The following RB1 variants were observed in gnomAD, a reference collection of about 807,000 sequenced individuals.
RB1 encodes the protein retinoblastoma-associated protein.
A neutral mutation model predicts 135.4 loss-of-function variants in RB1; 18 were observed. The ratio of observed to expected loss-of-function variants is 0.13; its 90% CI spans 0.09 to 0.20. The LOEUF (loss-of-function observed/expected upper bound fraction) is 0.20. RB1 is among the 10% of genes least tolerant of loss of function. The pLI, the probability that RB1 is intolerant of heterozygous loss-of-function variation, is 1.00. For missense variants in RB1, 868 were observed against 1,110.0 expected (o/e 0.78, Z 3.10); for synonymous variants, 365 against 373.2 (o/e 0.98, Z 0.25).
chr13:48,309,833 GCTC>G (rs1322295905), intron 2 of RB1, among the ~76,000 whole-genome samples: 1 of 152,046 alleles, frequency 6.6e-6, no homozygotes, highest in African/African-American at 2.4e-5. Context: ...AACAGTAGAG[GCTC>G]TTTTGAGCTT....
intron 2 of RB1, among the ~76,000 whole-genome samples, chr13:48,341,632 T>C (rs1011979233): frequency 5.9e-5 from 9 of 152,032 alleles, no homozygotes; most frequent in Admixed American, 6.5e-5. Flanking sequence ...GTAATTTAAG[T>C]TGTAAAATAT....
intron 11 of RB1, among the ~76,000 whole-genome samples, chr13:48,369,651 GT>G (rs1282638740): frequency 1.3e-5 from 2 of 150,426 alleles, no homozygotes; most frequent in Non-Finnish European, 3.0e-5. Flanking sequence ...GGCCTTCTCT[GT>G]TTCTTGGGCT....
intron 6 of RB1, among the ~76,000 whole-genome samples, chr13:48,349,357 A>G (rs1162438413): frequency 6.6e-6 from 1 of 151,926 alleles, no homozygotes; most frequent in Non-Finnish European, 1.5e-5. Flanking sequence ...AAAATTATCT[A>G]AAATCCACCC....
In RB1 at chr13:48,368,524, T is replaced by G. The variant is rs1952726410; in HGVS notation, c.1050-3T>G. 3 of 1,613,170 alleles carry G rather than the reference T, an allele frequency of 1.9e-6. No homozygotes were observed. The highest frequency in any genetic ancestry group is 2.5e-6 in the Non-Finnish European group (3 of 1,179,556). On this transcript the variant is annotated splice_region_variant and splice_polypyrimidine_tract_variant and intron_variant, in intron 10 of 26. Transcript: ENST00000267163. ...GTGAATGACTTCACTTATTGTTATT[T>G]AGTTTTGAAACACAGAGAACACCAC... is the stretch of plus-strand genomic sequence containing the variant.
At chr13:48,347,122 G>A (rs1952505588) in intron 4 of RB1, among the ~76,000 whole-genome samples, 1 of 151,994 alleles carries the variant, frequency 6.6e-6, no homozygotes, top group Non-Finnish European at 1.5e-5. Context: ...TCTGTTGTAA[G>A]AAGCAGGAAT....
intron 12 of RB1, among the ~76,000 whole-genome samples, chr13:48,374,754 G>T (rs1459421942): frequency 6.6e-6 from 1 of 152,072 alleles, no homozygotes; most frequent in Non-Finnish European, 1.5e-5. Flanking sequence ...GAGTATGTAG[G>T]AGTTCTTTTT....
rs145425421 is a variant in RB1 at position 48,425,666 on chromosome 13, A to G, written c.1696-27327A>G. Among the ~76,000 whole-genome samples the G allele has an allele frequency of 8.5e-3, 1,287 of 152,078 alleles. 16 individuals carry two copies. The highest frequency in any genetic ancestry group is 0.03 in the African/African-American group (1,244 of 41,432). ...CCAGGAATTCCAGTTTAGCCTGGGC[A>G]ATATAGAGAGTCCTCAACTCTTAAA... On this transcript the variant is annotated intron_variant, in intron 17 of 26. Transcript: ENST00000267163.
intron 17 of RB1, among the ~76,000 whole-genome samples, chr13:48,409,134 G>T (rs1014982406): frequency 2.0e-5 from 3 of 147,410 alleles, no homozygotes; most frequent in African/African-American, 2.5e-5. Context: ...AGTTTTTTGG[G>T]TTTTTTTTCT....
intron 19 of RB1, among the ~76,000 whole-genome samples, chr13:48,456,602 C>T (rs1357483322): frequency 1.3e-5 from 2 of 152,232 alleles, no homozygotes; most frequent in Admixed American, 6.5e-5. Flanking sequence ...CCACCGGGCT[C>T]ATTTCAGCCC....
At chr13:48,327,151 C>A (rs1467159267) in intron 2 of RB1, among the ~76,000 whole-genome samples, 1 of 151,634 alleles carries the variant, frequency 6.6e-6, no homozygotes, top group Admixed American at 6.6e-5. Context: ...GAAAGTGCAT[C>A]TTCTTGTTTT....
intron 17 of RB1, among the ~76,000 whole-genome samples, chr13:48,398,084 A>G (rs1404019008): frequency 6.6e-6 from 1 of 152,228 alleles, no homozygotes; most frequent in Admixed American, 6.5e-5. Context: ...ATGAAGCAGT[A>G]TGATGCCATA....
intron 2 of RB1, among the ~76,000 whole-genome samples, chr13:48,339,474 G>T (rs7335353): frequency 0.11 from 16,181 of 152,280 alleles, 2,450 homozygotes; most frequent in African/African-American, 0.33. Context: ...CTCCGAGCCA[G>T]GCACAGGATA....
At chr13:48,424,380 A>G (rs966134235) in intron 17 of RB1, among the ~76,000 whole-genome samples, 5 of 152,188 alleles carry the variant, frequency 3.3e-5, no homozygotes, top group Non-Finnish European at 7.3e-5. Flanking sequence ...CAAAGAGTTG[A>G]ACCAACTTTT....
At chr13:48,327,518 C>G (rs1225677334) in intron 2 of RB1, among the ~76,000 whole-genome samples, 1 of 152,188 alleles carries the variant, frequency 6.6e-6, no homozygotes, top group Non-Finnish European at 1.5e-5. Context: ...TCTGTATCCA[C>G]TGATAGCAAT....
chr13:48,331,463 C>T (rs542359454), intron 2 of RB1, among the ~76,000 whole-genome samples: 1 of 152,226 alleles, frequency 6.6e-6, no homozygotes, highest in South Asian at 2.1e-4. Context: ...AATTGGTTTT[C>T]CTGAGAGTGG....
intron 5 of RB1, 79 bp downstream of exon 5, chr13:48,347,942 G>A (rs1177559250): frequency 5.3e-6 from 6 of 1,134,336 alleles, no homozygotes; most frequent in Non-Finnish European, 6.6e-6. Context: ...TTGATAGTTA[G>A]GGTTAGTTTG....
At chr13:48,312,541 A>T (rs1205456121) in intron 2 of RB1, among the ~76,000 whole-genome samples, 1 of 152,206 alleles carries the variant, frequency 6.6e-6, no homozygotes, top group African/African-American at 2.4e-5. Flanking sequence ...TTACACTACC[A>T]TTTGCTTTCT....
intron 21 of RB1, 40 bp from the exon 22 acceptor site, chr13:48,464,958 C>CTTTTTTTTTTTTTTTTTTTTTTTTTTT: frequency 4.8e-6 from 4 of 831,616 alleles, no homozygotes; most frequent in South Asian, 4.0e-5. Context: ...GTAAATTTTA[C>CTTTTTTTTTTTTTTTTTTTTTTTTTTT]TTTTTTTTTT....
intron 5 of RB1, 100 bp downstream of exon 5, chr13:48,347,963 G>A: frequency 1.1e-6 from 1 of 873,056 alleles, no homozygotes; most frequent in African/African-American, 1.7e-5. Context: ...ATCGATTATA[G>A]CAGGCTACTT....
Sources: gnomAD v4.1 joint callset for allele counts (sites outside exome capture counted in the v4.1 genomes callset) on GRCh38, gnomAD v4.1.1 for gene constraint, MANE v1.5 for transcripts, NCBI Gene and HGNC (gene_info 2026-07-23, HGNC 2026-07-21) for gene names.